The following PCM1 variants were observed in gnomAD, a reference collection of about 807,000 sequenced individuals.
PCM1 encodes pericentriolar material 1.
A neutral mutation model predicts 241.9 loss-of-function variants in PCM1; 157 were observed. The ratio of observed to expected loss-of-function variants is 0.65; its 90% CI spans 0.57 to 0.74. The LOEUF (loss-of-function observed/expected upper bound fraction) is 0.74. Ranked by LOEUF, PCM1 falls within the 30% of genes least tolerant of loss-of-function variation. The pLI is 0.00. For missense variants in PCM1, 3,478 were observed against 2,360.1 expected (o/e 1.47, Z -9.81); for synonymous variants, 1,085 against 784.9 (o/e 1.38, Z -6.39).
chr8:17,980,852 T>A, intron 24 of PCM1, 97 bp downstream of exon 24: 1 of 827,070 alleles, frequency 1.2e-6, no homozygotes, highest in South Asian at 1.9e-5. Context: ...GTTTCACACG[T>A]ATCTATCATG....
At chr8:17,964,930 G>A (rs2074232419) in intron 18 of PCM1, among the ~76,000 whole-genome samples, 162 bp downstream of exon 18, 2 of 151,932 alleles carry the variant, frequency 1.3e-5, no homozygotes, top group South Asian at 4.2e-4. Context: ...TCAAGTTAAG[G>A]GGCTCAGTTC....
intron 36 of PCM1, among the ~76,000 whole-genome samples, chr8:18,020,826 G>T (rs2129487902): frequency 6.6e-6 from 1 of 152,264 alleles, no homozygotes; most frequent in East Asian, 1.9e-4. Flanking sequence ...AGTGAGTGAT[G>T]ATTTTGGAAT....
chr8:17,982,472 A>G (rs1247575224), intron 24 of PCM1: 2 of 150,698 alleles, frequency 1.3e-5, no homozygotes, highest in African/African-American at 4.9e-5. Context: ...ACAAGTTTAC[A>G]TATTTACATT....
At chr8:18,005,836 G>A (rs1269660573) in intron 29 of PCM1, among the ~76,000 whole-genome samples, 3 of 152,194 alleles carry the variant, frequency 2.0e-5, no homozygotes, top group Non-Finnish European at 4.4e-5. Context: ...TGTCAATAAT[G>A]TGAAGGTTGA....
At chr8:17,998,423 C>G (rs1455246884) in intron 29 of PCM1, among the ~76,000 whole-genome samples, 3 of 152,106 alleles carry the variant, frequency 2.0e-5, no homozygotes, top group Non-Finnish European at 2.9e-5. Flanking sequence ...TAGCGGTATA[C>G]CACTTTGGTG....
chr8:17,997,951 G>A (rs1037555929), intron 29 of PCM1, among the ~76,000 whole-genome samples: 2 of 150,974 alleles, frequency 1.3e-5, no homozygotes, highest in Admixed American at 6.6e-5. Context: ...CAGGAGAATC[G>A]CTTGAACCCG....
In PCM1 at chr8:17,950,637, C is replaced by A. The variant is rs1184397726; in HGVS notation, c.984C>A (p.Ser328Arg). Residue 328 changes from serine (S) to arginine (R), a missense_variant, in exon 8 of 39, where the codon AGC becomes AGA. Ser to Arg is a moderately radical substitution (Grantham distance 110). Coordinates refer to ENST00000325083, the MANE Select transcript of PCM1 (RefSeq NM_006197.4). Reference sequence around the variant, plus strand: ...CAGTTGTTGCAGAAACTGCAGGTAGCTTATCTGGCGTCAGTATCACATCTG... The same window carrying A: ...CAGTTGTTGCAGAAACTGCAGGTAGATTATCTGGCGTCAGTATCACATCTG... ...DDSVVAETAG[S>R]LSGVSITSEL... is the part of the protein sequence containing the mutation. 6.2e-7 allele frequency: 1 copy of A among 1,600,666 alleles called. No homozygotes were observed. The highest frequency in any genetic ancestry group is 2.2e-5 in the East Asian group (1 of 44,702).
rs2068027571 is a variant in PCM1 at position 17,955,719 on chromosome 8, TA to T, written c.1472+67del. The T allele has an allele frequency of 7.2e-6, 9 of 1,251,516 alleles. No homozygotes were observed. In the South Asian group the frequency reaches 1.2e-4, roughly 16 times the overall value. 77.5% of individuals were successfully genotyped at this position (1,251,516 alleles called of 1,614,324 possible). On this transcript the variant is annotated intron_variant, in intron 10 of 38. Coordinates refer to ENST00000325083, the MANE Select transcript of PCM1 (RefSeq NM_006197.4). ...TAGGGATAAATTCTGTTTTTTTTTT[TA>T]TGTTGAAAATTCTGCAAAACGAGAT...
chr8:17,974,416 T>C (rs1040265154), intron 23 of PCM1, among the ~76,000 whole-genome samples: 4 of 152,316 alleles, frequency 2.6e-5, no homozygotes, highest in Admixed American at 6.5e-5. Context: ...AATTTGAATC[T>C]GATAGGGCAA....
chr8:17,929,495 A>G (rs1016738895), intron 2 of PCM1, among the ~76,000 whole-genome samples: 1 of 152,194 alleles, frequency 6.6e-6, no homozygotes, highest in African/African-American at 2.4e-5. Flanking sequence ...TATTGGGTGT[A>G]TTATAGGCAC....
At chr8:17,988,517 CACTA>C (rs1486322725) in intron 26 of PCM1, among the ~76,000 whole-genome samples, 1 of 151,724 alleles carries the variant, frequency 6.6e-6, no homozygotes, top group Non-Finnish European at 1.5e-5. Context: ...ACAGAGAAAG[CACTA>C]ACTATAAAAG....
At chr8:17,982,806 A>G (rs745812750) in intron 24 of PCM1, among the ~76,000 whole-genome samples, 15 of 152,000 alleles carry the variant, frequency 9.9e-5, no homozygotes, top group Non-Finnish European at 1.6e-4. Context: ...GAAAAGATTT[A>G]TTTTTAGTTT....
rs1249434597 is a variant in PCM1 at position 17,937,045 on chromosome 8, T to G, written c.97-89T>G. 7 of 1,046,386 alleles carry G rather than the reference T, an allele frequency of 6.7e-6. No individual in the cohort carries two copies. In the South Asian group the frequency reaches 1.3e-4, roughly 19 times the overall value. The allele number at this position is 1,046,386 out of a possible 1,614,324, so 64.8% of individuals were successfully genotyped here. A position where few individuals can be genotyped will look rare whatever the true frequency, so the allele number is the denominator to read the frequency against. On this transcript the variant is annotated intron_variant, in intron 3 of 38. Transcript: ENST00000325083. ...CAAAAATGTCTTGTCTTTTTTAATTTTAAAACTGACCAAAACTTTTTAATT... is the reference window on the plus strand; with the variant it reads ...CAAAAATGTCTTGTCTTTTTTAATTGTAAAACTGACCAAAACTTTTTAATT...
chr8:17,972,961 C>T (rs1291781592), intron 23 of PCM1, among the ~76,000 whole-genome samples: 2 of 152,004 alleles, frequency 1.3e-5, no homozygotes, highest in Admixed American at 1.3e-4. Context: ...TGAAAAATTG[C>T]CAAATGCCCA....
intron 2 of PCM1, 116 bp downstream of exon 2, chr8:17,924,896 C>G (rs1411489720): frequency 6.6e-6 from 1 of 152,236 alleles, no homozygotes. Flanking sequence ...GCTTAGTAAA[C>G]AAACTTTCTG....
At chr8:17,998,356 G>T (rs2087786770) in intron 29 of PCM1, among the ~76,000 whole-genome samples, 1 of 152,144 alleles carries the variant, frequency 6.6e-6, no homozygotes, top group African/African-American at 2.4e-5. Context: ...AAGCTTTCCA[G>T]GTATTCAAAG....
intron 30 of PCM1, 111 bp from the exon 31 acceptor site, chr8:18,009,436 T>C: frequency 1.5e-6 from 1 of 688,802 alleles, no homozygotes. Context: ...CAACCTATCT[T>C]TCCTTAGTAA....
chr8:17,943,721 C>T (rs1298230631), intron 6 of PCM1, among the ~76,000 whole-genome samples: 4 of 152,032 alleles, frequency 2.6e-5, no homozygotes, highest in African/African-American at 7.2e-5. Flanking sequence ...TTAATTTCTT[C>T]AGGGGAAAAA....
At position 17,991,691 on chromosome 8, in the gene PCM1, A is replaced by C. The variant is rs2084681968; in HGVS notation, c.4681A>C (p.Asn1561His). The change falls in exon 28 of 39, where the codon AAT becomes CAT. Residue 1561 changes from asparagine (N) to histidine (H), a missense_variant. Coordinates refer to ENST00000325083, the MANE Select transcript of PCM1 (RefSeq NM_006197.4). ...DGAGAGTTVN[N>H]LEETPVIENR... ...TGCTGGTGCAGGTACTACAGTTAAT[A>C]ATTTAGAAGGTATATATTTTTGTTT... 6.5e-7 allele frequency: 1 copy of C among 1,548,822 alleles called. No individual in the cohort carries two copies. Among genetic ancestry groups the C allele is most frequent in the East Asian group, 2.4e-5 (1 of 40,994 alleles).
Sources: gnomAD v4.1 joint callset for allele counts (sites outside exome capture counted in the v4.1 genomes callset) on GRCh38, gnomAD v4.1.1 for gene constraint, MANE v1.5 for transcripts, NCBI Gene and HGNC (gene_info 2026-07-23, HGNC 2026-07-21) for gene names.